Variants in PMFBP1 observed in about 807,000 individuals in gnomAD.
The protein encoded by PMFBP1 is polyamine modulated factor 1 binding protein 1.
PMFBP1 carries 131 observed loss-of-function variants against 137.8 expected under a neutral mutation model. That is an observed-to-expected ratio of 0.95 (90% CI 0.82 to 1.10). The LOEUF (loss-of-function observed/expected upper bound fraction) is 1.10, where lower values mean the gene tolerates loss of function less well. PMFBP1 is among the 50% of genes least tolerant of loss of function. The probability of loss-of-function intolerance (pLI) is 0.00; values close to 1 mark genes in which losing one functional copy is unlikely to be tolerated. For missense variants in PMFBP1, 1,199 were observed against 1,175.4 expected (o/e 1.02, Z -0.29); for synonymous variants, 490 against 450.4 (o/e 1.09, Z -1.11).
At chr16:72,166,498 T>C (rs1201991061) in intron 2 of PMFBP1, among the ~76,000 whole-genome samples, 1 of 152,174 alleles carries the variant, frequency 6.6e-6, no homozygotes, top group Non-Finnish European at 1.5e-5. Context: ...GCTAATACAG[T>C]ACCTATCTCT....
the PMFBP1 span, among the ~76,000 whole-genome samples, chr16:72,206,569 G>C: frequency 6.6e-5 from 10 of 152,188 alleles, no homozygotes; most frequent in Non-Finnish European, 1.2e-4. Flanking sequence ...CCATGGGTGT[G>C]ATTATTGTTA....
At chr16:72,240,238 T>A in the PMFBP1 span, among the ~76,000 whole-genome samples, 1 of 152,222 alleles carries the variant, frequency 6.6e-6, no homozygotes. Flanking sequence ...GAAATGCTGG[T>A]TTCTTTCTAG....
the PMFBP1 span, among the ~76,000 whole-genome samples, chr16:72,228,906 G>A: frequency 1.4e-5 from 2 of 148,104 alleles, no homozygotes; most frequent in Non-Finnish European, 3.0e-5. Flanking sequence ...ATTGTTACAT[G>A]AGTAAACTGG....
At chr16:72,186,545 G>A in the PMFBP1 span, among the ~76,000 whole-genome samples, 1 of 152,120 alleles carries the variant, frequency 6.6e-6, no homozygotes. Context: ...AGGGAGCCAT[G>A]AAGGTTTTCG....
the PMFBP1 span, among the ~76,000 whole-genome samples, chr16:72,209,978 T>A: frequency 6.6e-6 from 1 of 152,224 alleles, no homozygotes; most frequent in African/African-American, 2.4e-5. Flanking sequence ...GGTCCTTCCA[T>A]TGTTCCTTTC....
the PMFBP1 span, among the ~76,000 whole-genome samples, chr16:72,209,445 T>A: frequency 1.3e-5 from 2 of 152,074 alleles, no homozygotes; most frequent in African/African-American, 4.8e-5. Flanking sequence ...TATCTATATA[T>A]CATTTTGTAT....
upstream of PMFBP1, among the ~76,000 whole-genome samples, chr16:72,180,288 T>C (rs2043271682): frequency 1.3e-5 from 2 of 152,210 alleles, no homozygotes; most frequent in African/African-American, 4.8e-5. Flanking sequence ...ACAATCCTGC[T>C]TTTCTGCAAA....
chr16:72,231,380 T>C, the PMFBP1 span, among the ~76,000 whole-genome samples: 1 of 152,174 alleles, frequency 6.6e-6, no homozygotes, highest in East Asian at 1.9e-4. Context: ...TGACGGGCTT[T>C]AGATGAAGCT....
intron 2 of PMFBP1, among the ~76,000 whole-genome samples, chr16:72,169,115 G>C (rs1317658281): frequency 6.6e-6 from 1 of 151,952 alleles, no homozygotes; most frequent in Non-Finnish European, 1.5e-5. Context: ...GAGTAATTTT[G>C]GATTCAACCA....
chr16:72,192,483 A>T, the PMFBP1 span, among the ~76,000 whole-genome samples: 1 of 152,200 alleles, frequency 6.6e-6, no homozygotes, highest in Non-Finnish European at 1.5e-5. Context: ...ATTTAGCAAT[A>T]TGGATGGAAT....
chr16:72,192,901 CAAA>C, the PMFBP1 span, among the ~76,000 whole-genome samples: 5 of 85,220 alleles, frequency 5.9e-5, no homozygotes, highest in Admixed American at 2.6e-4. Context: ...GTCTCTGTCT[CAAA>C]AAAAAAAAAA....
chr16:72,207,992 TC>T, the PMFBP1 span, among the ~76,000 whole-genome samples: 2 of 152,128 alleles, frequency 1.3e-5, no homozygotes, highest in Non-Finnish European at 2.9e-5. Flanking sequence ...AAAGCCAATG[TC>T]CCAGCTCAGA....
At chr16:72,238,502 AT>A in the PMFBP1 span, among the ~76,000 whole-genome samples, 2 of 151,878 alleles carry the variant, frequency 1.3e-5, no homozygotes, top group African/African-American at 2.4e-5. Flanking sequence ...TTTTAATGGG[AT>A]TTTTTTCTTG....
upstream of PMFBP1, among the ~76,000 whole-genome samples, chr16:72,172,668 G>A (rs1024575983): frequency 2.0e-5 from 3 of 151,654 alleles, no homozygotes; most frequent in Non-Finnish European, 2.9e-5. Flanking sequence ...AAAATAAAGC[G>A]AATATCACAA....
chr16:72,192,032 T>C, the PMFBP1 span, among the ~76,000 whole-genome samples: 1 of 152,214 alleles, frequency 6.6e-6, no homozygotes, highest in Non-Finnish European at 1.5e-5. Context: ...AGCTGAAACA[T>C]TACCAATATG....
chr16:72,219,537 G>A, the PMFBP1 span, among the ~76,000 whole-genome samples: 1 of 135,800 alleles, frequency 7.4e-6, no homozygotes, highest in African/African-American at 3.3e-5. Context: ...GCCTACGGGA[G>A]CTGCTCAATG....
intron 3 of PMFBP1, among the ~76,000 whole-genome samples, chr16:72,164,101 C>G (rs1457686405): frequency 6.6e-6 from 1 of 152,030 alleles, no homozygotes; most frequent in Non-Finnish European, 1.5e-5. Flanking sequence ...AAGTCAGGTA[C>G]CGCTGTGAGC....
intron 2 of PMFBP1, among the ~76,000 whole-genome samples, chr16:72,168,019 T>G (rs1307387904): frequency 6.6e-6 from 1 of 152,216 alleles, no homozygotes; most frequent in Non-Finnish European, 1.5e-5. Flanking sequence ...AGTTCAGAAT[T>G]GGATCTTCAA....
At chr16:72,235,726 T>C in the PMFBP1 span, among the ~76,000 whole-genome samples, 1 of 124,608 alleles carries the variant, frequency 8.0e-6, no homozygotes, top group South Asian at 2.3e-4. Context: ...ATTAAATTTA[T>C]TCCCAAGTTT....
Sources: gnomAD v4.1 joint callset for allele counts (sites outside exome capture counted in the v4.1 genomes callset) on GRCh38, gnomAD v4.1.1 for gene constraint, MANE v1.5 for transcripts, NCBI Gene and HGNC (gene_info 2026-07-23, HGNC 2026-07-21) for gene names.